Variants in PTK2 observed in about 807,000 individuals in gnomAD.
PTK2 encodes the protein focal adhesion kinase 1.
PTK2 carries 45 observed loss-of-function variants against 150.1 expected under a neutral mutation model. The ratio of observed to expected loss-of-function variants is 0.30; its 90% confidence interval spans 0.24 to 0.38. The LOEUF is 0.38. Among genes scored for constraint, PTK2 ranks in the 10% least tolerant of loss-of-function variants. The pLI is 1.00. For missense variants in PTK2, 919 were observed against 1,307.3 expected (o/e 0.70, Z 4.58); for synonymous variants, 432 against 449.2 (o/e 0.96, Z 0.48).
At chr8:140,710,143 A>C (rs1259633442) in intron 23 of PTK2, among the ~76,000 whole-genome samples, 1 of 151,414 alleles carries the variant, frequency 6.6e-6, no homozygotes, top group African/African-American at 2.4e-5. Context: ...GGTGAAAAAA[A>C]TATGAGAAGA....
chr8:140,763,540 A>C (rs565522385), intron 15 of PTK2, among the ~76,000 whole-genome samples: 84 of 152,136 alleles, frequency 5.5e-4, no homozygotes, highest in Non-Finnish European at 1.0e-3. Context: ...TGAAATTTCA[A>C]GAGTTTATCT....
At chr8:140,980,718 TC>T (rs2100191088) in intron 1 of PTK2, among the ~76,000 whole-genome samples, 1 of 151,276 alleles carries the variant, frequency 6.6e-6, no homozygotes, top group African/African-American at 2.4e-5. Flanking sequence ...CTGGGACTCT[TC>T]CAAGTCTACT....
Position 140,686,625 on chromosome 8 carries a change from G to T in PTK2, c.2562+7C>A. 6.2e-7 allele frequency: 1 copy of T among 1,611,754 alleles called. No individual in the cohort carries two copies. Among genetic ancestry groups the T allele is most frequent in the Non-Finnish European group, 8.5e-7 (1 of 1,177,906 alleles). On this transcript the variant is annotated splice_region_variant and intron_variant, in intron 27 of 31. Coordinates refer to ENST00000522684, the Ensembl canonical transcript of PTK2. ...GAAATCAAATCCTGCTGAAAACTCAGGCTTACCGGACCCTGAAGACTTCCA... is the reference window on the plus strand; with the variant it reads ...GAAATCAAATCCTGCTGAAAACTCATGCTTACCGGACCCTGAAGACTTCCA...
intron 29 of PTK2, 47 bp from the exon 33 acceptor site, chr8:140,669,782 G>C: frequency 6.6e-7 from 1 of 1,508,540 alleles, no homozygotes; most frequent in Non-Finnish European, 8.9e-7. Context: ...ATTTATCAGA[G>C]AAAGGGAAAA....
chr8:140,927,975 A>AT (rs1367767247), intron 1 of PTK2, among the ~76,000 whole-genome samples: 723 of 48,192 alleles, frequency 0.015, 15 homozygotes, highest in African/African-American at 0.063. Context: ...AAAAAAAAAA[A>AT]ATATATATAT....
chr8:140,732,877 G>GT (rs886536888), intron 22 of PTK2, among the ~76,000 whole-genome samples: 2 of 152,122 alleles, frequency 1.3e-5, no homozygotes, highest in African/African-American at 4.8e-5. Flanking sequence ...AGAAAGATGG[G>GT]TAAGATCTCC....
chr8:140,858,007 A>C (rs1016095283), intron 5 of PTK2, among the ~76,000 whole-genome samples: 1 of 152,248 alleles, frequency 6.6e-6, no homozygotes, highest in African/African-American at 2.4e-5. Context: ...CATTCATTAC[A>C]TATGAAATGG....
chr8:140,755,828 C>T (rs1451212113), intron 16 of PTK2, among the ~76,000 whole-genome samples: 1 of 152,046 alleles, frequency 6.6e-6, no homozygotes, highest in East Asian at 1.9e-4. Context: ...GGTCCTTGCC[C>T]ATGAAATTTA....
intron 1 of PTK2, among the ~76,000 whole-genome samples, chr8:140,971,745 AAAGC>A (rs2100187352): frequency 6.6e-6 from 1 of 152,274 alleles, no homozygotes; most frequent in Non-Finnish European, 1.5e-5. Flanking sequence ...GTTAAAACAA[AAAGC>A]AAGATTTCAA....
chr8:140,993,112 A>C (rs1218896008), intron 1 of PTK2, among the ~76,000 whole-genome samples: 1 of 152,220 alleles, frequency 6.6e-6, no homozygotes, highest in Non-Finnish European at 1.5e-5. Context: ...AAAAGTTCCA[A>C]AATTATGAAA....
chr8:140,687,346 C>G (rs2100020553), intron 26 of PTK2, among the ~76,000 whole-genome samples: 1 of 152,184 alleles, frequency 6.6e-6, no homozygotes, highest in Non-Finnish European at 1.5e-5. Flanking sequence ...CCCGTGAACA[C>G]TGGCCACATA....
intron 2 of PTK2, among the ~76,000 whole-genome samples, chr8:140,915,568 T>C (rs1486412005): frequency 1.3e-5 from 2 of 152,068 alleles, no homozygotes; most frequent in Non-Finnish European, 2.9e-5. Flanking sequence ...CATGCTGTTA[T>C]TCTCCTTCAC....
intron 3 of PTK2, 83 bp from the exon 4 acceptor site, chr8:140,879,720 A>C: frequency 8.8e-7 from 1 of 1,131,372 alleles, no homozygotes; most frequent in Non-Finnish European, 1.1e-6. Flanking sequence ...AAACAAAAAC[A>C]AAACAAAAAA....
chr8:140,989,682 G>A (rs2100194918), intron 1 of PTK2, among the ~76,000 whole-genome samples: 1 of 152,100 alleles, frequency 6.6e-6, no homozygotes, highest in Non-Finnish European at 1.5e-5. Flanking sequence ...GCCGAGGCGG[G>A]CGGATCACCT....
intron 1 of PTK2, among the ~76,000 whole-genome samples, chr8:140,943,439 T>C (rs758897157): frequency 4.6e-5 from 7 of 152,252 alleles, no homozygotes; most frequent in Non-Finnish European, 7.3e-5. Context: ...CTGTATAGGA[T>C]TCCATTGTAT....
intron 16 of PTK2, among the ~76,000 whole-genome samples, chr8:140,753,487 C>A (rs949059862): frequency 1.3e-5 from 2 of 152,166 alleles, no homozygotes; most frequent in Non-Finnish European, 2.9e-5. Flanking sequence ...AGTAGCCTAG[C>A]CCATGTGACT....
chr8:140,869,863 G>A (rs2100141504), intron 4 of PTK2, among the ~76,000 whole-genome samples: 1 of 150,580 alleles, frequency 6.6e-6, no homozygotes, highest in Admixed American at 6.6e-5. Context: ...AGAATCACAA[G>A]ACAGAATTAC....
At chr8:140,949,588 C>T (rs1274227016) in intron 1 of PTK2, among the ~76,000 whole-genome samples, 2 of 152,232 alleles carry the variant, frequency 1.3e-5, no homozygotes, top group Non-Finnish European at 2.9e-5. Context: ...TATGCACATG[C>T]TCGAGGCAGC....
At chr8:140,879,449 C>G (rs747992659) in intron 4 of PTK2, 22 bp downstream of exon 4, 1 of 1,584,824 alleles carries the variant, frequency 6.3e-7, no homozygotes, top group Non-Finnish European at 8.6e-7. Flanking sequence ...GTGCATCACA[C>G]CAAAGCAGGT....
Sources: allele counts gnomAD v4.1 joint callset (sites outside exome capture counted in the v4.1 genomes callset), GRCh38; gene constraint gnomAD v4.1.1; transcripts MANE v1.5; gene names NCBI Gene and HGNC (gene_info 2026-07-23, HGNC 2026-07-21).